ZNF143: variants seen among roughly 807,000 people sequenced by gnomAD.
The protein encoded by ZNF143 is zinc finger protein 143.
Under a neutral mutation model 74.1 loss-of-function variants are expected in ZNF143, and 49 were observed. The ratio of observed to expected loss-of-function variants is 0.66; its 90% confidence interval spans 0.53 to 0.84. ZNF143 has a LOEUF of 0.84. Ranked by LOEUF, ZNF143 falls within the 40% of genes least tolerant of loss-of-function variation. The probability of loss-of-function intolerance (pLI) is 0.00; values close to 1 mark genes in which losing one functional copy is unlikely to be tolerated. For missense variants in ZNF143, 637 were observed against 793.4 expected (o/e 0.80, Z 2.37); for synonymous variants, 304 against 282.8 (o/e 1.07, Z -0.75).
At chr11:9,461,317 C>T (rs967070271) in intron 1 of ZNF143, among the ~76,000 whole-genome samples, 5 of 152,114 alleles carry the variant, frequency 3.3e-5, no homozygotes, top group Non-Finnish European at 5.9e-5. Flanking sequence ...GGACTCAACT[C>T]CCCCCAGCTT....
chr11:9,479,677 A>G (rs552639006), intron 7 of ZNF143, 131 bp downstream of exon 7: 1 of 635,502 alleles, frequency 1.6e-6, no homozygotes, highest in Non-Finnish European at 2.6e-6. Context: ...CAATGTATGT[A>G]TTGGGCAGCA....
intron 1 of ZNF143, among the ~76,000 whole-genome samples, chr11:9,461,444 C>T (rs1168585882): frequency 1.3e-5 from 2 of 152,140 alleles, no homozygotes; most frequent in Non-Finnish European, 1.5e-5. Context: ...CTGACCTCCG[C>T]GCAGAGCGAG....
intron 10 of ZNF143, among the ~76,000 whole-genome samples, chr11:9,498,645 A>C (rs1418098860): frequency 6.6e-6 from 1 of 152,172 alleles, no homozygotes; most frequent in East Asian, 1.9e-4. Flanking sequence ...GGTATTAATA[A>C]GATAAATATT....
intron 7 of ZNF143, among the ~76,000 whole-genome samples, chr11:9,484,828 A>G (rs867682720): frequency 5.5e-4 from 8 of 14,634 alleles, no homozygotes; most frequent in Non-Finnish European, 1.1e-3. Flanking sequence ...GACGGAGTCT[A>G]GCTCTGTCGC....
At chr11:9,490,987 C>A (rs1847752785) in intron 7 of ZNF143, among the ~76,000 whole-genome samples, 1 of 152,196 alleles carries the variant, frequency 6.6e-6, no homozygotes, top group African/African-American at 2.4e-5. Flanking sequence ...CCCACCTTGG[C>A]CTCCTAAAGT....
intron 8 of ZNF143, 26 bp from the exon 9 acceptor site, chr11:9,496,277 G>A: frequency 6.2e-7 from 1 of 1,610,424 alleles, no homozygotes. Context: ...AAAGGAAATA[G>A]AATCATGCCT....
At chr11:9,490,123 G>A (rs1847713534) in intron 7 of ZNF143, among the ~76,000 whole-genome samples, 1 of 152,098 alleles carries the variant, frequency 6.6e-6, no homozygotes, top group Non-Finnish European at 1.5e-5. Context: ...GTTGGAGGGT[G>A]CAGTGAGCTG....
intron 7 of ZNF143, among the ~76,000 whole-genome samples, chr11:9,491,889 A>G (rs1270725336): frequency 6.6e-6 from 1 of 152,018 alleles, no homozygotes; most frequent in African/African-American, 2.4e-5. Context: ...CTTGGCCTCC[A>G]AAAGTGCTGG....
At chr11:9,471,527 T>A in intron 2 of ZNF143, 107 bp downstream of exon 2, 1 of 720,900 alleles carries the variant, frequency 1.4e-6, no homozygotes, top group Non-Finnish European at 2.1e-6. Flanking sequence ...AATATAAACC[T>A]AGGTCTTTTT....
At chr11:9,481,278 T>C (rs1342681543) in intron 7 of ZNF143, among the ~76,000 whole-genome samples, 1 of 152,040 alleles carries the variant, frequency 6.6e-6, no homozygotes, top group East Asian at 1.9e-4. Context: ...GTCACAGCTG[T>C]TTGGGAGGCG....
intron 1 of ZNF143, among the ~76,000 whole-genome samples, chr11:9,470,767 C>T (rs1856519510): frequency 6.6e-6 from 1 of 152,084 alleles, no homozygotes. Context: ...CTTTTCCCTT[C>T]AAAGGACACT....
intron 7 of ZNF143, among the ~76,000 whole-genome samples, chr11:9,492,606 T>C (rs1463790631): frequency 1.3e-5 from 2 of 152,290 alleles, no homozygotes; most frequent in South Asian, 2.1e-4. Context: ...TTTTAGTAAA[T>C]TGAAAAAATT....
chr11:9,486,386 TA>T lies in ZNF143; in HGVS notation c.645+6842del, dbSNP rs1395407164. ...TATTATATATAATATATTATATATA[TA>T]ATATATATAATATATTATATATATA... is the stretch of plus-strand genomic sequence containing the variant. On this transcript the variant is annotated intron_variant, in intron 7 of 15. Coordinates refer to ENST00000396602, the MANE Select transcript of ZNF143 (RefSeq NM_003442.6). 4.6e-3 allele frequency among the ~76,000 whole-genome samples: 113 copies of T among 24,610 alleles called. 8 individuals are homozygous for T. The highest frequency in any genetic ancestry group is 0.017 in the African/African-American group (102 of 5,962). 16.1% of individuals were successfully genotyped at this position (24,610 alleles called of 152,430 possible). A position where few individuals can be genotyped will look rare whatever the true frequency, so the allele number is the denominator to read the frequency against.
At chr11:9,486,403 T>TATATGTATA (rs1847512608) in intron 7 of ZNF143, among the ~76,000 whole-genome samples, 7 of 17,136 alleles carry the variant, frequency 4.1e-4, no homozygotes, top group African/African-American at 1.6e-3. Flanking sequence ...TATAATATAT[T>TATATGTATA]ATATATATAA....
rs12361328 is a variant in ZNF143, at chr11:9,472,519, C to T, written c.113-158C>T. 0.17 allele frequency among the ~76,000 whole-genome samples: 25,584 copies of T among 152,028 alleles called. 2,666 individuals are homozygous for T. Among genetic ancestry groups the T allele is most frequent in the African/African-American group, 0.28 (11,773 of 41,450 alleles). ...CACTTGCCTTGGCCTCCCAAAGTGCCGTGATTACAGGCGTGAGCCACTGCA... is the reference window on the plus strand; with the variant it reads ...CACTTGCCTTGGCCTCCCAAAGTGCTGTGATTACAGGCGTGAGCCACTGCA... On this transcript the variant is annotated intron_variant, in intron 2 of 15. Transcript: ENST00000396602.
rs780341708 is a variant in ZNF143 at position 9,471,553 on chromosome 11, GT to G, written c.112+144del. On this transcript the variant is annotated intron_variant, in intron 2 of 15. Transcript: ENST00000396602. ...AGGTCTTTTTATGAGGTGTTTTGGT[GT>G]TTTTTTTTTTGAAACGGGACGGAGT... 9.8e-3 allele frequency: 4,550 copies of G among 464,968 alleles called. 41 individuals are homozygous for G. Among genetic ancestry groups the G allele is most frequent in the African/African-American group, 0.042 (2,019 of 48,240 alleles). The allele number at this position is 464,968 out of a possible 1,614,324, so 28.8% of individuals were successfully genotyped here.
chr11:9,486,553 A>C (rs778741627), intron 7 of ZNF143, among the ~76,000 whole-genome samples: 1 of 134,350 alleles, frequency 7.4e-6, no homozygotes, highest in Non-Finnish European at 1.5e-5. Context: ...CAGCAGCTCC[A>C]GTTCCTTTTT....
At chr11:9,523,459 C>T (rs893105587) in intron 14 of ZNF143, among the ~76,000 whole-genome samples, 7 of 152,144 alleles carry the variant, frequency 4.6e-5, no homozygotes, top group African/African-American at 7.2e-5. Context: ...TGAGGCCGGG[C>T]GCGGTGGCTC....
At position 9,512,589 on chromosome 11, in the gene ZNF143, C is replaced by G. The variant is rs1848589739; in HGVS notation, c.1517C>G (p.Thr506Ser). ...QQVTLISQDG[T>S]QHVNISQADM... ...GTTACACTCATATCCCAGGATGGGA[C>G]TCAGCATGTAAGTATCCACCAAAAG... The change falls in exon 13 of 16, where the codon ACT becomes AGT. Residue 506 changes from threonine to serine, a missense_variant. Around this residue, in one of 2 missense-constraint regions of ZNF143, gnomAD observed 344 missense variants for 485.6 expected, o/e 0.71. Transcript: ENST00000396602. 2 of 1,614,034 alleles carry G rather than the reference C, an allele frequency of 1.2e-6. No homozygotes were observed. Among genetic ancestry groups the G allele is most frequent in the Non-Finnish European group, 1.7e-6 (2 of 1,180,020 alleles).
Sources: allele counts gnomAD v4.1 joint callset (sites outside exome capture counted in the v4.1 genomes callset), GRCh38; gene constraint gnomAD v4.1.1; regional missense constraint gnomAD v4.1.1; transcripts MANE v1.5; gene names NCBI Gene and HGNC (gene_info 2026-07-23, HGNC 2026-07-21).